KCNU1: variants seen among roughly 807,000 people sequenced by gnomAD.
KCNU1 encodes potassium calcium-activated channel subfamily U member 1.
In KCNU1, 93 loss-of-function variants were observed where a neutral mutation model predicts 126.8. The observed-to-expected ratio is 0.73, with a 90% CI of 0.62 to 0.87. KCNU1 has a LOEUF of 0.87. Ranked by LOEUF, KCNU1 falls within the 40% of genes least tolerant of loss-of-function variation. KCNU1 has a pLI of 0.00. For synonymous variants in KCNU1, 523 were observed against 494.2 expected (o/e 1.06, Z -0.77); for missense variants, 1,330 against 1,367.1 (o/e 0.97, Z 0.43).
At chr8:36,897,070 C>A (rs941847830) in intron 19 of KCNU1, among the ~76,000 whole-genome samples, 1 of 151,926 alleles carries the variant, frequency 6.6e-6, no homozygotes, top group African/African-American at 2.4e-5. Flanking sequence ...TGCTATGGGA[C>A]AATAGCAAAA....
At chr8:36,933,231 A>G (rs1167768526) in intron 26 of KCNU1, among the ~76,000 whole-genome samples, 199 bp downstream of exon 26, 1 of 152,072 alleles carries the variant, frequency 6.6e-6, no homozygotes, top group African/African-American at 2.4e-5. Flanking sequence ...TCCTATTAAT[A>G]TTGGCTATAT....
chr8:36,925,597 T>TGTGGGG (rs1252454714), intron 24 of KCNU1, among the ~76,000 whole-genome samples: 1 of 152,188 alleles, frequency 6.6e-6, no homozygotes, highest in Non-Finnish European at 1.5e-5. Context: ...CCCTTATCAG[T>TGTGGGG]GTGGGGGTGG....
intron 18 of KCNU1, among the ~76,000 whole-genome samples, chr8:36,854,808 G>A (rs1805475467): frequency 6.6e-6 from 1 of 151,774 alleles, no homozygotes; most frequent in Non-Finnish European, 1.5e-5. Context: ...ATAACTTTTT[G>A]TTGAAAATTA....
At chr8:36,810,258 A>G (rs944131732) in intron 7 of KCNU1, among the ~76,000 whole-genome samples, 1 of 151,850 alleles carries the variant, frequency 6.6e-6, no homozygotes, top group African/African-American at 2.4e-5. Flanking sequence ...CTCAAAAAAA[A>G]AAAAAAGTAG....
intron 11 of KCNU1, among the ~76,000 whole-genome samples, chr8:36,834,268 T>C (rs1027767570): frequency 1.3e-5 from 2 of 152,112 alleles, no homozygotes; most frequent in Non-Finnish European, 2.9e-5. Flanking sequence ...ACATGAAGAA[T>C]TGACAGACCC....
chr8:36,805,332 A>G (rs1459751266), intron 4 of KCNU1, 47 bp downstream of exon 4: 3 of 1,121,666 alleles, frequency 2.7e-6, no homozygotes, highest in African/African-American at 3.1e-5. Context: ...CACCACAGGC[A>G]CAACATACAG....
intron 22 of KCNU1, among the ~76,000 whole-genome samples, chr8:36,918,100 A>G (rs1004269532): frequency 1.3e-5 from 2 of 152,178 alleles, no homozygotes; most frequent in Admixed American, 6.5e-5. Flanking sequence ...ACTACAGGCA[A>G]ATTGATGTGG....
intron 18 of KCNU1, 33 bp from the exon 19 acceptor site, chr8:36,864,371 T>C: frequency 8.0e-7 from 1 of 1,252,546 alleles, no homozygotes; most frequent in Non-Finnish European, 1.2e-6. Flanking sequence ...TGAAGAGATG[T>C]GCCAACTCAC....
intron 19 of KCNU1, among the ~76,000 whole-genome samples, chr8:36,896,155 A>T (rs1262587998): frequency 6.6e-6 from 1 of 151,976 alleles, no homozygotes; most frequent in African/African-American, 2.4e-5. Flanking sequence ...TTAAATTACT[A>T]AACTATTATA....
chr8:36,843,856 C>A (rs1033929375), intron 16 of KCNU1, among the ~76,000 whole-genome samples: 16 of 152,152 alleles, frequency 1.1e-4, no homozygotes, highest in African/African-American at 3.9e-4. Context: ...GAAGCTGGAT[C>A]TGACCCCATC....
intron 18 of KCNU1, among the ~76,000 whole-genome samples, chr8:36,858,196 A>AC (rs1382531700): frequency 8.6e-5 from 13 of 151,706 alleles, no homozygotes; most frequent in African/African-American, 1.7e-4. Context: ...AAAAAAAAAA[A>AC]AAACTGTTCG....
chr8:36,869,627 G>T (rs966132801), intron 19 of KCNU1, among the ~76,000 whole-genome samples: 1 of 152,006 alleles, frequency 6.6e-6, no homozygotes, highest in Non-Finnish European at 1.5e-5. Flanking sequence ...GCTCCAGATC[G>T]CCATCTTCTT....
At chr8:36,920,132 C>T (rs183472781) in intron 23 of KCNU1, among the ~76,000 whole-genome samples, 2 of 152,240 alleles carry the variant, frequency 1.3e-5, no homozygotes, top group Admixed American at 1.3e-4. Flanking sequence ...TCTCTAACTC[C>T]TGAGCTGTAC....
At chr8:36,872,430 C>T (rs1001632870) in intron 19 of KCNU1, among the ~76,000 whole-genome samples, 9 of 152,094 alleles carry the variant, frequency 5.9e-5, no homozygotes, top group East Asian at 1.9e-4. Context: ...GACGCCGCCC[C>T]GCCCTGTAAC....
chr8:36,835,171 A>G (rs1804701195), intron 12 of KCNU1, among the ~76,000 whole-genome samples: 1 of 152,200 alleles, frequency 6.6e-6, no homozygotes, highest in Non-Finnish European at 1.5e-5. Flanking sequence ...TTGTTCAGAT[A>G]GAACCATTAT....
In KCNU1 at chr8:36,931,005, G is replaced by A. The variant is rs997117067; in HGVS notation, c.2791G>A (p.Val931Ile). Residue 931 changes from valine (V) to isoleucine (I), a missense_variant, in exon 25 of 27, where the codon GTA (valine) becomes ATA (isoleucine). This residue lies in a region of KCNU1 where 1,054 missense variants were observed against 1,053.9 expected (regional missense o/e 1.00). Transcript: ENST00000399881. ...ELLQMLVTGG[V>I]SSQLEQHLDK... ...GCTTCAGATGCTGGTGACAGGAGGAGTAAGTTCTCAGCTGGAACAACATTT... is the reference window on the plus strand; with the variant it reads ...GCTTCAGATGCTGGTGACAGGAGGAATAAGTTCTCAGCTGGAACAACATTT... The A allele has an allele frequency of 2.2e-5, 36 of 1,610,106 alleles. No individual in the cohort carries two copies. Among genetic ancestry groups the A allele is most frequent in the Non-Finnish European group, 2.7e-5 (32 of 1,178,086 alleles).
At chr8:36,807,054 T>C (rs1437956913) in intron 5 of KCNU1, among the ~76,000 whole-genome samples, 1 of 152,162 alleles carries the variant, frequency 6.6e-6, no homozygotes, top group Non-Finnish European at 1.5e-5. Context: ...CCCCATAATA[T>C]GTGAGGCATG....
chr8:36,913,935 C>T (rs1807993758), intron 22 of KCNU1, among the ~76,000 whole-genome samples: 1 of 152,126 alleles, frequency 6.6e-6, no homozygotes, highest in Non-Finnish European at 1.5e-5. Flanking sequence ...TTGAGGCAAC[C>T]TGTGAATAGC....
At chr8:36,924,085 C>T (rs1808456587) in intron 24 of KCNU1, among the ~76,000 whole-genome samples, 2 of 152,176 alleles carry the variant, frequency 1.3e-5, no homozygotes, top group Non-Finnish European at 2.9e-5. Flanking sequence ...CTACAGAGTA[C>T]ACCCCAGGGT....
Sources: gnomAD v4.1 joint callset for allele counts (sites outside exome capture counted in the v4.1 genomes callset) on GRCh38, gnomAD v4.1.1 for gene constraint, gnomAD v4.1.1 regional missense constraint, MANE v1.5 for transcripts, NCBI Gene and HGNC (gene_info 2026-07-23, HGNC 2026-07-21) for gene names.